Variants in EZH2 observed in about 807,000 individuals in gnomAD.
The protein encoded by EZH2 is enhancer of zeste 2 polycomb repressive complex 2 subunit, also known as histone-lysine N-methyltransferase EZH2.
EZH2 carries 18 observed loss-of-function variants against 98.4 expected under a neutral mutation model. The ratio of observed to expected loss-of-function variants is 0.18; its 90% CI spans 0.13 to 0.27. EZH2 has a LOEUF of 0.27. Among genes scored for constraint, EZH2 ranks in the 10% least tolerant of loss-of-function variants. The pLI, the probability that EZH2 is intolerant of heterozygous loss-of-function variation, is 1.00. For synonymous variants in EZH2, 338 were observed against 312.3 expected (o/e 1.08, Z -0.87); for missense variants, 470 against 935.1 (o/e 0.50, Z 6.49).
intron 1 of EZH2, among the ~76,000 whole-genome samples, chr7:148,868,753 G>A (rs1001162737): frequency 2.6e-5 from 4 of 152,052 alleles, no homozygotes; most frequent in African/African-American, 9.7e-5. Context: ...CATTAGTATA[G>A]AATGTCTCTT....
intron 10 of EZH2, 196 bp from the exon 11 acceptor site, chr7:148,817,587 C>CA: frequency 1.5e-6 from 1 of 666,954 alleles, no homozygotes; most frequent in Middle Eastern, 4.0e-4. Context: ...CCAAATGATC[C>CA]AAATTTCATT....
At chr7:148,813,052 T>TACACACACGCACAC (rs944759975) in intron 15 of EZH2, among the ~76,000 whole-genome samples, 35 of 132,180 alleles carry the variant, frequency 2.6e-4, no homozygotes, top group Middle Eastern at 3.7e-3. Context: ...ACACCCCACA[T>TACACACACGCACAC]ACACACACAC....
intron 3 of EZH2, among the ~76,000 whole-genome samples, chr7:148,839,152 C>G (rs75334850): frequency 0.018 from 2,685 of 151,786 alleles, 77 homozygotes; most frequent in African/African-American, 0.061. Flanking sequence ...TGAAGGGAAA[C>G]ACTTCAGGTC....
chr7:148,817,287 T>C lies in EZH2; in HGVS notation c.1345A>G (p.Ile449Val). 1 of 1,614,056 alleles carries C rather than the reference T, an allele frequency of 6.2e-7. No homozygotes were observed. Among genetic ancestry groups the C allele is most frequent in the Non-Finnish European group, 8.5e-7 (1 of 1,179,996 alleles). ...CAGAAATTGTCATAGTAAGTGCCAA[T>C]GAGGACTCTAAACATTGAGGCTTCA... The part of the protein sequence containing the change: ...GAEASMFRVL[I>V]GTYYDNFCAI... Residue 449 changes from isoleucine to valine, a missense_variant, in exon 11 of 20, where the codon ATT becomes GTT. Transcript: ENST00000320356.
intron 3 of EZH2, among the ~76,000 whole-genome samples, chr7:148,835,266 AC>A (rs1810576407): frequency 6.6e-6 from 1 of 151,976 alleles, no homozygotes; most frequent in Non-Finnish European, 1.5e-5. Flanking sequence ...CTAAAAACAC[AC>A]AAAAAATTAG....
intron 3 of EZH2, among the ~76,000 whole-genome samples, chr7:148,840,618 T>C (rs562596574): frequency 8.2e-4 from 125 of 152,290 alleles, no homozygotes; most frequent in African/African-American, 2.9e-3. Flanking sequence ...CTAGTTTCAT[T>C]AGCCCAACAG....
chr7:148,815,251 G>A (rs954913316), intron 13 of EZH2, among the ~76,000 whole-genome samples: 10 of 152,080 alleles, frequency 6.6e-5, no homozygotes, highest in Non-Finnish European at 1.3e-4. Flanking sequence ...TCTAAAGCAC[G>A]GCTACATCTC....
intron 1 of EZH2, among the ~76,000 whole-genome samples, chr7:148,861,767 T>A (rs1418456492): frequency 2.0e-5 from 3 of 150,692 alleles, no homozygotes; most frequent in Non-Finnish European, 4.4e-5. Flanking sequence ...GCCCAGGAGT[T>A]TCAGACCAGC....
chr7:148,865,707 C>G (rs997168851), intron 1 of EZH2, among the ~76,000 whole-genome samples: 1 of 152,170 alleles, frequency 6.6e-6, no homozygotes, highest in Admixed American at 6.5e-5. Context: ...TGCCTACATG[C>G]TATTTTGCCT....
At chr7:148,859,536 A>AACAAC (rs771059027) in intron 1 of EZH2, among the ~76,000 whole-genome samples, 4 of 151,760 alleles carry the variant, frequency 2.6e-5, no homozygotes. Flanking sequence ...CAACAACAAC[A>AACAAC]AAGTAAAATG....
At chr7:148,835,841 G>A (rs1412267122) in intron 3 of EZH2, among the ~76,000 whole-genome samples, 1 of 152,158 alleles carries the variant, frequency 6.6e-6, no homozygotes. Context: ...GACAAAGAAG[G>A]AGCATTGGCT....
chr7:148,819,556 T>G (rs747807879), intron 9 of EZH2, 40 bp downstream of exon 9: 1 of 1,550,926 alleles, frequency 6.4e-7, no homozygotes, highest in South Asian at 1.1e-5. Flanking sequence ...TGCAAAGTCC[T>G]CTCAAGTACC....
At chr7:148,851,964 A>G (rs1026906375) in intron 1 of EZH2, among the ~76,000 whole-genome samples, 6 of 152,244 alleles carry the variant, frequency 3.9e-5, no homozygotes, top group African/African-American at 1.4e-4. Context: ...CACTGTGTAA[A>G]TACATATGGT....
At chr7:148,855,357 T>C (rs1816642690) in intron 1 of EZH2, among the ~76,000 whole-genome samples, 1 of 152,182 alleles carries the variant, frequency 6.6e-6, no homozygotes, top group Non-Finnish European at 1.5e-5. Context: ...CTAAGTCCTA[T>C]ACACAGCATT....
At chr7:148,822,143 C>G (rs1004945631) in intron 8 of EZH2, among the ~76,000 whole-genome samples, 1 of 151,378 alleles carries the variant, frequency 6.6e-6, no homozygotes, top group Non-Finnish European at 1.5e-5. Flanking sequence ...CTAAAACATA[C>G]TAGAAAAAGT....
intron 19 of EZH2, 128 bp from the exon 20 acceptor site, chr7:148,807,834 AAAC>A (rs1022582704): frequency 1.5e-5 from 9 of 589,660 alleles, no homozygotes; most frequent in South Asian, 4.1e-5. Flanking sequence ...AAAAAAAAAA[AAAC>A]CCATCCAATT....
chr7:148,843,236 G>A (rs1409260971), intron 3 of EZH2, among the ~76,000 whole-genome samples: 2 of 150,564 alleles, frequency 1.3e-5, no homozygotes, highest in African/African-American at 4.9e-5. Context: ...AAATTAGCCC[G>A]ATGTGGTGGC....
chr7:148,865,748 A>T (rs750505080), intron 1 of EZH2, among the ~76,000 whole-genome samples: 1 of 152,194 alleles, frequency 6.6e-6, no homozygotes, highest in African/African-American at 2.4e-5. Flanking sequence ...TAATCCCCAA[A>T]TAAGATGCAA....
chr7:148,814,595 T>C (rs910976503), intron 14 of EZH2, among the ~76,000 whole-genome samples: 2 of 152,192 alleles, frequency 1.3e-5, no homozygotes, highest in African/African-American at 4.8e-5. Flanking sequence ...ATTATTTGGG[T>C]AGCTCCTTCT....
Sources: gnomAD v4.1 joint callset for allele counts (sites outside exome capture counted in the v4.1 genomes callset) on GRCh38, gnomAD v4.1.1 for gene constraint, MANE v1.5 for transcripts, NCBI Gene and HGNC (gene_info 2026-07-23, HGNC 2026-07-21) for gene names.